KIRREL3: variants seen among roughly 807,000 people sequenced by gnomAD.
The protein encoded by KIRREL3 is kirre like nephrin family adhesion molecule 3, also known as kin of IRRE-like protein 3.
KIRREL3 carries 36 observed loss-of-function variants against 89.7 expected under a neutral mutation model. That is an observed-to-expected ratio of 0.40 (90% CI 0.31 to 0.53). The LOEUF (loss-of-function observed/expected upper bound fraction) is 0.53. Among genes scored for constraint, KIRREL3 ranks in the 20% least tolerant of loss-of-function variants. The pLI, the probability that KIRREL3 is intolerant of heterozygous loss-of-function variation, is 0.49. For missense variants in KIRREL3, 864 were observed against 1,056.6 expected (o/e 0.82, Z 2.53); for synonymous variants, 445 against 441.4 (o/e 1.01, Z -0.10).
chr11:126,816,531 C>T lies in KIRREL3; in HGVS notation c.55+183924G>A, dbSNP rs539342824. ...GCTTAGAATTTTAAAGTTAGAGACCCGCTGTGGAGAAATAAAGTCCTGGCT... is the reference window on the plus strand; with the variant it reads ...GCTTAGAATTTTAAAGTTAGAGACCTGCTGTGGAGAAATAAAGTCCTGGCT... On this transcript the variant is annotated intron_variant, in intron 1 of 16. Transcript: ENST00000525144. Among the ~76,000 whole-genome samples the T allele has an allele frequency of 3.9e-5, 6 of 152,252 alleles. No individual in the cohort carries two copies. In the South Asian group the frequency reaches 6.2e-4, roughly 16 times the overall value.
intron 1 of KIRREL3, among the ~76,000 whole-genome samples, chr11:126,810,537 T>G (rs1263176252): frequency 6.6e-6 from 1 of 152,126 alleles, no homozygotes; most frequent in East Asian, 1.9e-4. Flanking sequence ...CTCGTTAGGT[T>G]AAGTAGCTTG....
Position 126,763,482 on chromosome 11 carries a change from G to C in KIRREL3, c.56-200570C>G, listed in dbSNP as rs1949725919. Reference sequence around the variant, plus strand: ...AGGTGTTAAAAAGGGGACTGATGGTGGGGTCCTTCTTTTGAGAATTCTAGT... The same window carrying C: ...AGGTGTTAAAAAGGGGACTGATGGTCGGGTCCTTCTTTTGAGAATTCTAGT... On this transcript the variant is annotated intron_variant, in intron 1 of 16. Transcript: ENST00000525144. This position sits in a 1 kb window ranked among gnomAD's most constrained non-coding sequence, Gnocchi z 4.7. 6.6e-6 allele frequency among the ~76,000 whole-genome samples: 1 copy of C among 152,142 alleles called. No individual in the cohort carries two copies. Among genetic ancestry groups the C allele is most frequent in the Admixed American group, 6.5e-5 (1 of 15,280 alleles).
Position 126,689,745 on chromosome 11 carries a change from G to T in KIRREL3, c.56-126833C>A, listed in dbSNP as rs1946809189. ...CCTGTCACTTTTCTTTGGCCACCTG[G>T]GTCTCAGCAGAGGCCCTCCCAAGAC... On this transcript the variant is annotated intron_variant, in intron 1 of 16. Coordinates refer to ENST00000525144, the MANE Select transcript of KIRREL3 (RefSeq NM_032531.4). The surrounding 1 kb of genome is among the most constrained non-coding windows in gnomAD (Gnocchi z 5.2). 6.6e-6 allele frequency among the ~76,000 whole-genome samples: 1 copy of T among 152,126 alleles called. No individual in the cohort carries two copies. The highest frequency in any genetic ancestry group is 2.1e-4 in the South Asian group (1 of 4,820).
intron 1 of KIRREL3, among the ~76,000 whole-genome samples, chr11:126,698,265 A>G (rs1473042044): frequency 6.6e-6 from 1 of 152,022 alleles, no homozygotes; most frequent in African/African-American, 2.4e-5. Context: ...GCTCACGGAG[A>G]GATGAGGGGT....
At chr11:126,446,262 TTCTC>T (rs144564841) in intron 9 of KIRREL3, among the ~76,000 whole-genome samples, 44,314 of 137,228 alleles carry the variant, frequency 0.32, 7,847 homozygotes, top group African/African-American at 0.41. Context: ...TTTCTTTTCT[TTCTC>T]TCTCTTTCTT....
intron 1 of KIRREL3, among the ~76,000 whole-genome samples, chr11:126,584,950 A>G (rs1055061035): frequency 3.4e-4 from 51 of 149,550 alleles, no homozygotes; most frequent in African/African-American, 1.3e-3. Flanking sequence ...ACAGAGTCTC[A>G]CTCTGTCGCC....
rs1230772272 is a variant in KIRREL3 at position 126,676,532 on chromosome 11, G to C, written c.56-113620C>G. 1.3e-5 allele frequency among the ~76,000 whole-genome samples: 2 copies of C among 152,100 alleles called. No individual in the cohort carries two copies. The highest frequency in any genetic ancestry group is 2.4e-5 in the African/African-American group (1 of 41,408). On this transcript the variant is annotated intron_variant, in intron 1 of 16. Coordinates refer to ENST00000525144, the MANE Select transcript of KIRREL3 (RefSeq NM_032531.4). The surrounding 1 kb of genome is among the most constrained non-coding windows in gnomAD (Gnocchi z 4.5). ...GTATTGTTTTGTTTTGTTTGAGTTG[G>C]GGGGAGATGCTGCGAGTCCTTTAAA...
intron 1 of KIRREL3, among the ~76,000 whole-genome samples, chr11:126,848,199 G>A (rs1406311303): frequency 6.6e-6 from 1 of 152,164 alleles, no homozygotes; most frequent in East Asian, 1.9e-4. Flanking sequence ...TTTTTAAAAA[G>A]CCTTATCTGA....
rs1950306955 is a variant in KIRREL3, at chr11:126,780,907, C to T, written c.56-217995G>A. 6.6e-6 allele frequency among the ~76,000 whole-genome samples: 1 copy of T among 152,214 alleles called. No homozygotes were observed. The highest frequency in any genetic ancestry group is 2.1e-4 in the South Asian group (1 of 4,822). ...CATCTATAAAATGGGATGAAGCTGC[C>T]TTATGGCTTAGTTTGTTATGAGTTT... On this transcript the variant is annotated intron_variant, in intron 1 of 16. Coordinates refer to ENST00000525144, the MANE Select transcript of KIRREL3 (RefSeq NM_032531.4). The surrounding 1 kb of genome is among the most constrained non-coding windows in gnomAD (Gnocchi z 5.3).
At position 126,817,366 on chromosome 11, in the gene KIRREL3, GA is replaced by G. The variant is rs1951608445; in HGVS notation, c.55+183088del. On this transcript the variant is annotated intron_variant, in intron 1 of 16. Transcript: ENST00000525144. The surrounding 1 kb of genome is among the most constrained non-coding windows in gnomAD (Gnocchi z 5.7). ...TGGTGATGATGACAGCCAGTCAACA[GA>G]AGCTGATGGTGACTTAGCTGGCATG... 6.6e-6 allele frequency among the ~76,000 whole-genome samples: 1 copy of G among 152,212 alleles called. No homozygotes were observed. The highest frequency in any genetic ancestry group is 1.5e-5 in the Non-Finnish European group (1 of 68,038).
At chr11:126,857,771 T>C (rs902721389) in intron 1 of KIRREL3, among the ~76,000 whole-genome samples, 27 of 33,202 alleles carry the variant, frequency 8.1e-4, no homozygotes, top group African/African-American at 3.8e-3. Flanking sequence ...GGGAGAAAAG[T>C]CTTCAGGCTG....
At chr11:126,856,519 T>C (rs1944512976) in intron 1 of KIRREL3, among the ~76,000 whole-genome samples, 1 of 150,020 alleles carries the variant, frequency 6.7e-6, no homozygotes. Flanking sequence ...TAATCACTAT[T>C]AGCATATTGA....
At position 127,000,593 on chromosome 11, in the gene KIRREL3, C is replaced by G; in HGVS notation, c.-84G>C. The G allele has an allele frequency of 6.9e-7, 1 of 1,444,682 alleles. No homozygotes were observed. 89.5% of individuals were successfully genotyped at this position (1,444,682 alleles called of 1,614,324 possible). ...CTTGGCGGCTCTCGGTGCTCAGCCT[C>G]CGCCGGTCCTCTCGGGTTCGCGCCT... On this transcript the variant is annotated 5_prime_UTR_variant, in exon 1 of 17. Coordinates refer to ENST00000525144, the MANE Select transcript of KIRREL3 (RefSeq NM_032531.4). The surrounding 1 kb of genome is among the most constrained non-coding windows in gnomAD (Gnocchi z 7.1).
At chr11:126,760,651 A>G (rs1327876728) in intron 1 of KIRREL3, among the ~76,000 whole-genome samples, 1 of 152,186 alleles carries the variant, frequency 6.6e-6, no homozygotes. Context: ...TCTATTCAGG[A>G]TCTGCAGGAG....
intron 11 of KIRREL3, among the ~76,000 whole-genome samples, chr11:126,437,832 C>CACCAT (rs1169102566): frequency 6.6e-6 from 1 of 152,166 alleles, no homozygotes; most frequent in African/African-American, 2.4e-5. Context: ...GCAACACATA[C>CACCAT]ACACATTCGC....
At position 126,700,558 on chromosome 11, in the gene KIRREL3, C is replaced by A. The variant is rs117864884; in HGVS notation, c.56-137646G>T. Among the ~76,000 whole-genome samples the A allele has an allele frequency of 5.9e-3, 892 of 152,336 alleles. 4 individuals carry two copies. The highest frequency in any genetic ancestry group is 9.6e-3 in the Non-Finnish European group (653 of 68,038). Reference sequence around the variant, plus strand: ...TAACCTAATATCTCCCTTTACTAATCTCTGCTGCTGTCCCCAGATCAGCTG... The same window carrying A: ...TAACCTAATATCTCCCTTTACTAATATCTGCTGCTGTCCCCAGATCAGCTG... On this transcript the variant is annotated intron_variant, in intron 1 of 16. Transcript: ENST00000525144.
chr11:126,477,698 T>C lies in KIRREL3; in HGVS notation c.434-4232A>G, dbSNP rs900128683. 2.0e-5 allele frequency among the ~76,000 whole-genome samples: 3 copies of C among 152,206 alleles called. No individual in the cohort carries two copies. Among genetic ancestry groups the C allele is most frequent in the Non-Finnish European group, 2.9e-5 (2 of 68,040 alleles). ...CTTGGTGCCAGGACAAGGACAGCACTGAGGGAATTTCCTCCAGTGTCCACT... is the reference window on the plus strand; with the variant it reads ...CTTGGTGCCAGGACAAGGACAGCACCGAGGGAATTTCCTCCAGTGTCCACT... On this transcript the variant is annotated intron_variant, in intron 4 of 16. Coordinates refer to ENST00000525144, the MANE Select transcript of KIRREL3 (RefSeq NM_032531.4). The surrounding 1 kb of genome is among the most constrained non-coding windows in gnomAD (Gnocchi z 4.8).
chr11:126,962,677 T>G (rs1285107579), intron 1 of KIRREL3, among the ~76,000 whole-genome samples: 3 of 152,204 alleles, frequency 2.0e-5, no homozygotes, highest in Admixed American at 2.0e-4. Flanking sequence ...TTAAAAGAAG[T>G]TCTATTGTGG....
intron 4 of KIRREL3, among the ~76,000 whole-genome samples, chr11:126,509,189 C>G (rs1039891673): frequency 2.6e-5 from 4 of 152,152 alleles, no homozygotes; most frequent in African/African-American, 9.7e-5. Context: ...ATCATGCCAC[C>G]GTTTCTCATC....
Sources: allele counts gnomAD v4.1 joint callset (sites outside exome capture counted in the v4.1 genomes callset), GRCh38; gene constraint gnomAD v4.1.1; non-coding constraint Gnocchi (gnomAD v3.1); transcripts MANE v1.5; gene names NCBI Gene and HGNC (gene_info 2026-07-23, HGNC 2026-07-21).